Variants in STXBP5L observed in about 807,000 individuals in gnomAD.
The protein encoded by STXBP5L is syntaxin binding protein 5L, also known as syntaxin-binding protein 5-like.
STXBP5L carries 65 observed loss-of-function variants against 144.5 expected under a neutral mutation model. That is an observed-to-expected ratio of 0.45 (90% CI 0.37 to 0.55). The LOEUF (loss-of-function observed/expected upper bound fraction) is 0.55, where lower values mean the gene tolerates loss of function less well. STXBP5L is among the 20% of genes least tolerant of loss of function. The pLI is 0.00. For missense variants in STXBP5L, 1,298 were observed against 1,405.5 expected, an observed-to-expected ratio of 0.92 and a Z score of 1.22; for synonymous variants, 505 against 469.6, an observed-to-expected ratio of 1.08 and a Z score of -0.97.
intron 2 of STXBP5L, among the ~76,000 whole-genome samples, chr3:120,917,863 A>G (rs1396541148): frequency 1.3e-5 from 2 of 152,272 alleles, no homozygotes; most frequent in Admixed American, 6.5e-5. Context: ...TGAGAAGATC[A>G]TATGACTTTT....
rs967743918 is a variant in STXBP5L, at chr3:121,381,405, A to G, written c.2460A>G (p.Lys820=). ...ALYFMDSFAR[K]NDSTISPCLF... is the part of the protein sequence containing the mutation. ...ACTTCATGGACTCCTTTGCACGGAAAAATGACTCTACCATCTCTCCTTGTC... is the reference window on the plus strand; with the variant it reads ...ACTTCATGGACTCCTTTGCACGGAAGAATGACTCTACCATCTCTCCTTGTC... The change falls in exon 22 of 27, where the codon AAA becomes AAG. Residue 820 remains lysine, a synonymous_variant. Coordinates refer to ENST00000471454, the MANE Select transcript of STXBP5L (RefSeq NM_001308330.2). The G allele has an allele frequency of 6.2e-7, 1 of 1,610,844 alleles. No homozygotes were observed. Among genetic ancestry groups the G allele is most frequent in the Non-Finnish European group, 8.5e-7 (1 of 1,178,910 alleles).
intron 19 of STXBP5L, among the ~76,000 whole-genome samples, chr3:121,294,756 A>G (rs1389636654): frequency 6.6e-6 from 1 of 152,182 alleles, no homozygotes; most frequent in Non-Finnish European, 1.5e-5. Context: ...GAAGAGAAAA[A>G]GGAAAAGACC....
intron 3 of STXBP5L, among the ~76,000 whole-genome samples, chr3:120,963,189 G>A (rs1268847041): frequency 6.6e-6 from 1 of 152,170 alleles, no homozygotes; most frequent in Admixed American, 6.5e-5. Context: ...AGGCAATGGG[G>A]TTTTCTAAAT....
chr3:121,223,312 G>A (rs1001678589), intron 11 of STXBP5L, among the ~76,000 whole-genome samples, 155 bp downstream of exon 11: 1 of 152,196 alleles, frequency 6.6e-6, no homozygotes, highest in Admixed American at 6.6e-5. Context: ...ACCTACTTGA[G>A]AAACTGGAAA....
At chr3:121,046,308 A>G (rs889355549) in intron 5 of STXBP5L, among the ~76,000 whole-genome samples, 21 of 152,124 alleles carry the variant, frequency 1.4e-4, no homozygotes, top group Non-Finnish European at 4.4e-5. Context: ...CATCAAGGAT[A>G]TTGGCCTGAA....
At chr3:121,248,244 A>C (rs757793913) in intron 14 of STXBP5L, among the ~76,000 whole-genome samples, 1 of 151,978 alleles carries the variant, frequency 6.6e-6, no homozygotes, top group Non-Finnish European at 1.5e-5. Flanking sequence ...TTGCACTTTT[A>C]GTAGAGACAG....
chr3:121,411,399 GCA>G (rs1322079936), intron 23 of STXBP5L, among the ~76,000 whole-genome samples: 9 of 151,968 alleles, frequency 5.9e-5, no homozygotes, highest in African/African-American at 1.9e-4. Context: ...AAATCATTGT[GCA>G]CACTTAGAAT....
chr3:121,387,592 G>A (rs1341963488), intron 22 of STXBP5L, among the ~76,000 whole-genome samples: 1 of 152,274 alleles, frequency 6.6e-6, no homozygotes, highest in East Asian at 1.9e-4. Context: ...TAAGGTGTAA[G>A]GAAAGGATTC....
At chr3:121,001,047 A>T (rs1472364091) in intron 3 of STXBP5L, among the ~76,000 whole-genome samples, 1 of 152,146 alleles carries the variant, frequency 6.6e-6, no homozygotes, top group Non-Finnish European at 1.5e-5. Context: ...ATGATACTGC[A>T]TTGGTGGATG....
intron 7 of STXBP5L, among the ~76,000 whole-genome samples, chr3:121,135,972 GC>G (rs2045238261): frequency 6.6e-6 from 1 of 152,082 alleles, no homozygotes; most frequent in South Asian, 2.1e-4. Context: ...GGAACCCATG[GC>G]CATGGTGGAA....
intron 9 of STXBP5L, among the ~76,000 whole-genome samples, chr3:121,175,375 T>C (rs1200480214): frequency 6.6e-6 from 1 of 152,122 alleles, no homozygotes; most frequent in Non-Finnish European, 1.5e-5. Flanking sequence ...GAAAAAAATA[T>C]GTTCATCTCC....
chr3:121,040,986 G>T (rs942163115), intron 3 of STXBP5L, among the ~76,000 whole-genome samples: 3 of 151,954 alleles, frequency 2.0e-5, no homozygotes, highest in African/African-American at 7.2e-5. Flanking sequence ...CAAATGATAA[G>T]TAAATATACA....
At chr3:121,048,802 C>T (rs1947710145) in intron 5 of STXBP5L, among the ~76,000 whole-genome samples, 1 of 151,996 alleles carries the variant, frequency 6.6e-6, no homozygotes, top group African/African-American at 2.4e-5. Flanking sequence ...TATCCTGCCT[C>T]AGCCTCCTGA....
chr3:121,354,792 ATCTT>A (rs1430223134), intron 20 of STXBP5L, among the ~76,000 whole-genome samples: 1 of 152,078 alleles, frequency 6.6e-6, no homozygotes, highest in African/African-American at 2.4e-5. Context: ...AGCATCTATG[ATCTT>A]TACAATTTGG....
At chr3:121,115,588 T>A (rs2044198412) in intron 6 of STXBP5L, among the ~76,000 whole-genome samples, 1 of 152,154 alleles carries the variant, frequency 6.6e-6, no homozygotes, top group South Asian at 2.1e-4. Flanking sequence ...AAATGTGAAA[T>A]TCTCCAAATA....
intron 15 of STXBP5L, among the ~76,000 whole-genome samples, chr3:121,253,268 G>T (rs548393323): frequency 2.0e-4 from 29 of 148,010 alleles, no homozygotes; most frequent in Admixed American, 2.0e-3. Flanking sequence ...AAAAAAAAAA[G>T]TACTATGAAA....
At chr3:120,956,515 T>C (rs1938055685) in intron 3 of STXBP5L, among the ~76,000 whole-genome samples, 1 of 151,978 alleles carries the variant, frequency 6.6e-6, no homozygotes, top group Non-Finnish European at 1.5e-5. Context: ...ACTTCCTTCC[T>C]TTTTAAGACT....
At chr3:121,005,295 C>G (rs767669729) in intron 3 of STXBP5L, among the ~76,000 whole-genome samples, 74 of 152,096 alleles carry the variant, frequency 4.9e-4, no homozygotes, top group Admixed American at 8.5e-4. Flanking sequence ...TGTATGTGTC[C>G]AGGAATTTAT....
chr3:121,277,734 T>G (rs181005909), intron 18 of STXBP5L, among the ~76,000 whole-genome samples: 1 of 152,048 alleles, frequency 6.6e-6, no homozygotes, highest in South Asian at 2.1e-4. Context: ...TGTGCCTTTT[T>G]TTAGTAGTGT....
Sources: allele counts gnomAD v4.1 joint callset (sites outside exome capture counted in the v4.1 genomes callset), GRCh38; gene constraint gnomAD v4.1.1; transcripts MANE v1.5; gene names NCBI Gene and HGNC (gene_info 2026-07-23, HGNC 2026-07-21).